The following TAF2 variants were observed in gnomAD, a reference collection of about 807,000 sequenced individuals.
TAF2 encodes the protein transcription initiation factor TFIID subunit 2.
Under a neutral mutation model 138.5 loss-of-function variants are expected in TAF2, and 61 were observed. The observed-to-expected ratio is 0.44, with a 90% confidence interval of 0.36 to 0.54. TAF2 has a LOEUF of 0.54. Ranked by LOEUF, TAF2 falls within the 20% of genes least tolerant of loss-of-function variation. TAF2 has a pLI of 0.00. For missense variants in TAF2, 1,090 were observed against 1,427.9 expected (o/e 0.76, Z 3.81); for synonymous variants, 475 against 469.9 (o/e 1.01, Z -0.14).
At chr8:119,733,179 T>C (rs1259231469) in intron 25 of TAF2, among the ~76,000 whole-genome samples, 1 of 152,162 alleles carries the variant, frequency 6.6e-6, no homozygotes, top group Non-Finnish European at 1.5e-5. Context: ...GGAGAACAAC[T>C]GATATACCCA....
chr8:119,830,445 G>A (rs979151652), intron 2 of TAF2, among the ~76,000 whole-genome samples: 3 of 151,802 alleles, frequency 2.0e-5, no homozygotes, highest in Non-Finnish European at 2.9e-5. Flanking sequence ...CTAGATTACC[G>A]CAGTAACCTC....
In TAF2 at chr8:119,788,967, T is replaced by C. The variant is rs185792039; in HGVS notation, c.1569-63A>G. On this transcript the variant is annotated intron_variant, in intron 12 of 25. Transcript: ENST00000378164. Reference sequence around the variant, plus strand: ...AATATGTACTAAACAAAGTAAGTTATCCATCATGGTATTAATAATTTTCAA... The same window carrying C: ...AATATGTACTAAACAAAGTAAGTTACCCATCATGGTATTAATAATTTTCAA... 69 of 1,072,154 alleles carry C rather than the reference T, an allele frequency of 6.4e-5. No homozygotes were observed. The South Asian group carries it at 8.0e-4, about 12-fold the overall frequency. The allele number at this position is 1,072,154 out of a possible 1,614,324, so 66.4% of individuals were successfully genotyped here.
At chr8:119,791,670 A>G (rs1823439349) in intron 10 of TAF2, 1 of 502,540 alleles carries the variant, frequency 2.0e-6, no homozygotes, top group African/African-American at 1.9e-5. Flanking sequence ...GAATAAATGG[A>G]AACAAACACC....
chr8:119,738,717 G>GTAAGTC (rs1468018616), intron 25 of TAF2, among the ~76,000 whole-genome samples: 1 of 152,124 alleles, frequency 6.6e-6, no homozygotes, highest in Admixed American at 6.6e-5. Context: ...GGTACTTAAT[G>GTAAGTC]TAAGTCTAAT....
intron 18 of TAF2, among the ~76,000 whole-genome samples, chr8:119,775,240 C>CA: frequency 7.1e-6 from 1 of 141,622 alleles, no homozygotes; most frequent in East Asian, 2.1e-4. Context: ...GGAATTGTGC[C>CA]ACTGCACTCC....
At chr8:119,745,794 AATGT>A (rs1404752727) in intron 23 of TAF2, among the ~76,000 whole-genome samples, 1 of 119,406 alleles carries the variant, frequency 8.4e-6, no homozygotes, top group Non-Finnish European at 1.7e-5. Flanking sequence ...AAGGCAAACG[AATGT>A]GTGTGTGTGT....
At chr8:119,788,946 T>C (rs367741985) in intron 12 of TAF2, 42 bp from the exon 13 acceptor site, 4 of 1,263,600 alleles carry the variant, frequency 3.2e-6, no homozygotes, top group Non-Finnish European at 4.6e-6. Flanking sequence ...GAAACGAATA[T>C]GTACTAAACA....
chr8:119,732,461 T>G (rs1423861374), intron 25 of TAF2, among the ~76,000 whole-genome samples: 1 of 152,124 alleles, frequency 6.6e-6, no homozygotes, highest in African/African-American at 2.4e-5. Flanking sequence ...AAATTAATAT[T>G]TTCTAAGTAT....
In TAF2 at chr8:119,783,564, C is replaced by T; in HGVS notation, c.1929G>A (p.Glu643=). 1 of 1,614,164 alleles carries T rather than the reference C, an allele frequency of 6.2e-7. No individual in the cohort carries two copies. The highest frequency in any genetic ancestry group is 8.5e-7 in the Non-Finnish European group (1 of 1,180,010). Residue 643 remains glutamate (E), a synonymous_variant, in exon 16 of 26, where the codon GAG becomes GAA. Transcript: ENST00000378164. ...DMSVLRKVEF[E]QADFMWQYQL... is the part of the protein sequence containing the mutation. ...GATACTGCCACATAAAATCAGCTTG[C>T]TCAAATTCTACCTTCCTCAATACTG... is the stretch of plus-strand genomic sequence containing the variant.
At chr8:119,783,028 C>G (rs181008663) in intron 16 of TAF2, among the ~76,000 whole-genome samples, 4 of 147,350 alleles carry the variant, frequency 2.7e-5, no homozygotes, top group Non-Finnish European at 4.5e-5. Flanking sequence ...CACACACACA[C>G]AGAGATTTCA....
intron 6 of TAF2, 125 bp from the exon 7 acceptor site, chr8:119,797,971 C>A (rs1397157095): frequency 1.3e-5 from 12 of 936,870 alleles, no homozygotes; most frequent in Non-Finnish European, 1.8e-5. Flanking sequence ...TTTCAAGATG[C>A]TGAAAGAAAA....
chr8:119,790,697 C>A (rs1823361834), intron 11 of TAF2, among the ~76,000 whole-genome samples: 2 of 152,090 alleles, frequency 1.3e-5, no homozygotes, highest in South Asian at 4.1e-4. Flanking sequence ...TATTGGTTTA[C>A]GTTTTTCTAT....
chr8:119,805,865 C>T (rs1301556925), intron 4 of TAF2, among the ~76,000 whole-genome samples: 3 of 151,450 alleles, frequency 2.0e-5, no homozygotes, highest in African/African-American at 4.8e-5. Flanking sequence ...GGTTAATTTA[C>T]AATTTTGACA....
Position 119,806,268 on chromosome 8 carries a change from C to T in TAF2, c.418+15G>A, listed in dbSNP as rs1563907997. 3 of 1,599,526 alleles carry T rather than the reference C, an allele frequency of 1.9e-6. No homozygotes were observed. The highest frequency in any genetic ancestry group is 2.6e-6 in the Non-Finnish European group (3 of 1,166,998). On this transcript the variant is annotated intron_variant, in intron 4 of 25. Transcript: ENST00000378164. ...GTGATTTTAGTGTACAGTCAATATA[C>T]TCTTGGTGCTTTACCATCAACGTGT... is the stretch of plus-strand genomic sequence containing the variant.
intron 8 of TAF2, 81 bp from the exon 9 acceptor site, chr8:119,795,712 G>A (rs1586460826): frequency 3.2e-6 from 4 of 1,245,132 alleles, no homozygotes; most frequent in East Asian, 2.4e-5. Flanking sequence ...CGGAATAAGT[G>A]TAGTGTGTAT....
At chr8:119,768,676 C>T (rs1312870265) in intron 18 of TAF2, among the ~76,000 whole-genome samples, 1 of 152,188 alleles carries the variant, frequency 6.6e-6, no homozygotes, top group African/African-American at 2.4e-5. Flanking sequence ...TTAGGTCCAT[C>T]GGGTCTGAGC....
At chr8:119,733,045 G>A (rs915224944) in intron 25 of TAF2, among the ~76,000 whole-genome samples, 4 of 152,022 alleles carry the variant, frequency 2.6e-5, no homozygotes, top group African/African-American at 9.7e-5. Context: ...TAGAAGAGCT[G>A]GTTTTTCATA....
At chr8:119,831,650 AT>A in intron 2 of TAF2, 26 bp downstream of exon 2, 1 of 1,560,736 alleles carries the variant, frequency 6.4e-7, no homozygotes, top group Admixed American at 1.7e-5. Flanking sequence ...ACTTGTTACT[AT>A]TTATAATTGT....
chr8:119,806,469 CTTTTTT>C (rs71571631), intron 3 of TAF2, 68 bp from the exon 4 acceptor site: 522 of 761,558 alleles, frequency 6.9e-4, no homozygotes, highest in African/African-American at 1.3e-3. Context: ...TTCTTTCTTT[CTTTTTT>C]TTTTTTTTTT....
Sources: gnomAD v4.1 joint callset for allele counts (sites outside exome capture counted in the v4.1 genomes callset) on GRCh38, gnomAD v4.1.1 for gene constraint, MANE v1.5 for transcripts, NCBI Gene and HGNC (gene_info 2026-07-23, HGNC 2026-07-21) for gene names.